Variants in ANKRD23 observed in about 807,000 individuals in gnomAD.
The protein encoded by ANKRD23 is ankyrin repeat domain-containing protein 23.
Under a neutral mutation model 38.1 loss-of-function variants are expected in ANKRD23, and 52 were observed. That is an observed-to-expected ratio of 1.36 (90% CI 1.09 to 1.72). The LOEUF (loss-of-function observed/expected upper bound fraction) is 1.72, where lower values mean the gene tolerates loss of function less well. ANKRD23 is among the 40% of genes most tolerant of loss of function. ANKRD23 has a pLI of 0.00. For synonymous variants in ANKRD23, 167 were observed against 162.9 expected (o/e 1.03, Z -0.19); for missense variants, 416 against 400.2 (o/e 1.04, Z -0.34).
rs2079736439 is a variant in ANKRD23 at position 96,839,737 on chromosome 2, A to C, written c.812T>G (p.Val271Gly). The change falls in exon 8 of 9, where the codon GTG becomes GGG. Residue 271 changes from valine to glycine, a missense_variant. Val to Gly is a moderately radical substitution (Grantham distance 109). Transcript: ENST00000318357. The part of the protein sequence containing the change: ...LLLLYGAELG[V>G]RNAASVTPVQ... Reference sequence around the variant, plus strand: ...TGCGCCCACACTCACCGCGTTCCGCACCCCCAGCTCGGCCCCATAGAGCAG... The same window carrying C: ...TGCGCCCACACTCACCGCGTTCCGCCCCCCCAGCTCGGCCCCATAGAGCAG... 1.2e-6 allele frequency: 2 copies of C among 1,613,002 alleles called. No individual in the cohort carries two copies. The highest frequency in any genetic ancestry group is 2.2e-5 in the South Asian group (2 of 91,020).
Position 96,840,837 on chromosome 2 carries a change from G to A in ANKRD23, c.376C>T (p.Leu126=). ...CCGTCTGTCAAGTACTTGTCAATCA[G>A]GTACTCCTGGTTCTCAGCAGCTGCC... ...LKAAAENQEY[L]IDKYLTDGGD... is the part of the protein sequence containing the mutation. The change falls in exon 4 of 9, where the codon CTG becomes TTG. Residue 126 remains leucine, a synonymous_variant. Coordinates refer to ENST00000318357, the MANE Select transcript of ANKRD23 (RefSeq NM_144994.8). 3.7e-6 allele frequency: 6 copies of A among 1,614,190 alleles called. No individual in the cohort carries two copies. Among genetic ancestry groups the A allele is most frequent in the Non-Finnish European group, 5.1e-6 (6 of 1,180,028 alleles).
At chr2:96,841,946 TC>T in intron 3 of ANKRD23, 113 bp downstream of exon 3, 1 of 1,473,684 alleles carries the variant, frequency 6.8e-7, no homozygotes, top group African/African-American at 1.4e-5. Flanking sequence ...TTTAATGGGC[TC>T]CCCAGGCACT....
chr2:96,840,699 C>T, intron 4 of ANKRD23, 88 bp downstream of exon 4: 2 of 1,574,582 alleles, frequency 1.3e-6, no homozygotes, highest in East Asian at 2.2e-5. Context: ...AAAATCCCTG[C>T]AGCCTCCTAG....
intron 6 of ANKRD23, 58 bp from the exon 7 acceptor site, chr2:96,840,153 G>A (rs1406605709): frequency 2.6e-6 from 4 of 1,554,838 alleles, no homozygotes; most frequent in Non-Finnish European, 3.5e-6. Flanking sequence ...CCTAACCCAT[G>A]GGACTACGTG....
rs754385371 is a variant in ANKRD23 at position 96,842,377 on chromosome 2, CTCT to C, written c.159_161del (p.Glu54del). ...GCCCCTCTCTCACTTTCTTCTTCTT[CTCT>C]TCTTCCAATTTCAGCTTCTCCCGGG... On this transcript the variant is annotated inframe_deletion, in exon 2 of 9. Transcript: ENST00000318357. 1.4e-5 allele frequency: 19 copies of C among 1,312,074 alleles called. No homozygotes were observed. In the East Asian group the frequency reaches 1.7e-4, roughly 12 times the overall value. 81.3% of individuals were successfully genotyped at this position (1,312,074 alleles called of 1,614,324 possible).
Position 96,840,533 on chromosome 2 carries a change from G to C in ANKRD23, c.427-19C>G. 6.2e-7 allele frequency: 1 copy of C among 1,612,678 alleles called. No homozygotes were observed. The highest frequency in any genetic ancestry group is 8.5e-7 in the Non-Finnish European group (1 of 1,179,448). On this transcript the variant is annotated intron_variant, in intron 4 of 8. Coordinates refer to ENST00000318357, the MANE Select transcript of ANKRD23 (RefSeq NM_144994.8). ...GGTGGAGCTGAGGGCAGAGATGGAA[G>C]ATTAGGCAGAGGGAGTGCAGCCACC...
chr2:96,839,000 A>C lies in ANKRD23; in HGVS notation c.*549T>G. ...TGCTACTGACAGGAATGGGGTCCCC[A>C]GAGAAAGCCATGCCCACAGGCATCC... is the stretch of plus-strand genomic sequence containing the variant. On this transcript the variant is annotated 3_prime_UTR_variant, in exon 9 of 9. Transcript: ENST00000318357. 2.0e-6 allele frequency: 2 copies of C among 985,888 alleles called. No homozygotes were observed. Among genetic ancestry groups the C allele is most frequent in the African/African-American group, 3.5e-5 (2 of 57,380 alleles). 61.1% of individuals were successfully genotyped at this position (985,888 alleles called of 1,614,324 possible). A position where few individuals can be genotyped will look rare whatever the true frequency, so the allele number is the denominator to read the frequency against.
At chr2:96,841,051 T>C in intron 3 of ANKRD23, 139 bp from the exon 4 acceptor site, 1 of 1,039,668 alleles carries the variant, frequency 9.6e-7, no homozygotes, top group Non-Finnish European at 1.4e-6. Context: ...CAGTTTCTTA[T>C]TCTAATCCCA....
At chr2:96,842,685 C>T (rs2079775225) in intron 1 of ANKRD23, among the ~76,000 whole-genome samples, 174 bp from the exon 2 acceptor site, 1 of 152,238 alleles carries the variant, frequency 6.6e-6, no homozygotes, top group South Asian at 2.1e-4. Context: ...GCTCCCTCAC[C>T]CTGTGGGTGC....
rs1329781174 is a variant in ANKRD23 at position 96,839,239 on chromosome 2, C to T, written c.*310G>A. 18 of 1,131,016 alleles carry T rather than the reference C, an allele frequency of 1.6e-5. No homozygotes were observed. The East Asian group carries it at 3.8e-4, about 24-fold the overall frequency. The allele number at this position is 1,131,016 out of a possible 1,614,324, so 70.1% of individuals were successfully genotyped here. A position where few individuals can be genotyped will look rare whatever the true frequency, so the allele number is the denominator to read the frequency against. On this transcript the variant is annotated 3_prime_UTR_variant, in exon 9 of 9. Coordinates refer to ENST00000318357, the MANE Select transcript of ANKRD23 (RefSeq NM_144994.8). Reference sequence around the variant, plus strand: ...AGCTTGGGACTGCTCCCTTAAGGCTCGTTCTTGGCCCTCACTCTCCTCCCC... The same window carrying T: ...AGCTTGGGACTGCTCCCTTAAGGCTTGTTCTTGGCCCTCACTCTCCTCCCC...
intron 7 of ANKRD23, 86 bp from the exon 8 acceptor site, chr2:96,839,911 A>G: frequency 6.5e-7 from 1 of 1,550,340 alleles, no homozygotes; most frequent in Admixed American, 2.0e-5. Flanking sequence ...CACCGAGCAG[A>G]CAGCACCTCT....
In ANKRD23 at chr2:96,843,031, G is replaced by A. The variant is rs1321128116; in HGVS notation, c.28-520C>T. On this transcript the variant is annotated intron_variant, in intron 1 of 8. Coordinates refer to ENST00000318357, the MANE Select transcript of ANKRD23 (RefSeq NM_144994.8). ...ACACTTAAGGCAATTGCCTAAAGGAGTTGTGAAGGTTATGAGTTATTGGGA... is the reference window on the plus strand; with the variant it reads ...ACACTTAAGGCAATTGCCTAAAGGAATTGTGAAGGTTATGAGTTATTGGGA... Among the ~76,000 whole-genome samples, 15 of 152,236 alleles carry A rather than the reference G, an allele frequency of 9.9e-5. No homozygotes were observed. In the East Asian group the frequency reaches 2.9e-3, roughly 29 times the overall value.
chr2:96,840,745 C>T (rs778276992), intron 4 of ANKRD23, 42 bp downstream of exon 4: 1 of 1,611,714 alleles, frequency 6.2e-7, no homozygotes, highest in Admixed American at 1.7e-5. Context: ...AGCGCTCCTG[C>T]AGCTGCAGCT....
chr2:96,840,382 G>A (rs1441014341), intron 5 of ANKRD23, 34 bp downstream of exon 5: 5 of 1,611,986 alleles, frequency 3.1e-6, no homozygotes, highest in Non-Finnish European at 4.2e-6. Flanking sequence ...GAAGCTGGGC[G>A]TCGACCAGAG....
Position 96,839,533 on chromosome 2 carries a change from G to A in ANKRD23, c.*16C>T, listed in dbSNP as rs547811122. The stretch of plus-strand genomic sequence containing the variant: ...TGGTGGCAGTGCGAAAGGCGCGGCG[G>A]GGGGCGGTGCTGCGGTCAGCACCGG... On this transcript the variant is annotated 3_prime_UTR_variant, in exon 9 of 9. Coordinates refer to ENST00000318357, the MANE Select transcript of ANKRD23 (RefSeq NM_144994.8). 6 of 1,430,280 alleles carry A rather than the reference G, an allele frequency of 4.2e-6. No homozygotes were observed. The highest frequency in any genetic ancestry group is 2.6e-4 in the Middle Eastern group (1 of 3,840). 88.6% of individuals were successfully genotyped at this position (1,430,280 alleles called of 1,614,324 possible).
In ANKRD23 at chr2:96,840,432, A is replaced by G; in HGVS notation, c.509T>C (p.Val170Ala). 6.2e-7 allele frequency: 1 copy of G among 1,614,016 alleles called. No homozygotes were observed. Among genetic ancestry groups the G allele is most frequent in the Non-Finnish European group, 8.5e-7 (1 of 1,180,010 alleles). ...VNKLLVAGAT[V>A]DARDLLDRTP... ...CATCCTCACCAAGTCTCGCGCGTCC[A>G]CTGTGGCACCTGCCACCAGCAGCTT... is the stretch of plus-strand genomic sequence containing the variant. The change falls in exon 5 of 9, where the codon GTG (valine) becomes GCG (alanine). Residue 170 changes from valine (V) to alanine (A), a missense_variant. By Grantham distance (64) the Val-to-Ala change is moderately conservative. Coordinates refer to ENST00000318357, the MANE Select transcript of ANKRD23 (RefSeq NM_144994.8).
chr2:96,842,447 G>C lies in ANKRD23; in HGVS notation c.92C>G (p.Ala31Gly). 2 of 1,614,048 alleles carry C rather than the reference G, an allele frequency of 1.2e-6. No individual in the cohort carries two copies. The highest frequency in any genetic ancestry group is 1.7e-6 in the Non-Finnish European group (2 of 1,180,034). ...GCCCCTCCTCCAGTCACTAGGCCAGGCTCCAGGGTCAGGAACTCCATGTCC... is the reference window on the plus strand; with the variant it reads ...GCCCCTCCTCCAGTCACTAGGCCAGCCTCCAGGGTCAGGAACTCCATGTCC... ...GFGHGVPDPGAWPSDWRRGPQ... is the reference protein window; with the variant it reads ...GFGHGVPDPGGWPSDWRRGPQ... Residue 31 changes from alanine to glycine, a missense_variant, in exon 2 of 9, where the codon GCC becomes GGC. Physicochemically the swap from Ala to Gly is moderately conservative, Grantham distance 60. Transcript: ENST00000318357.
rs932226027 is a variant in ANKRD23 at position 96,839,193 on chromosome 2, G to A, written c.*356C>T. ...GACAAGTGGACACTGAGGACTCCCAGACCCAGCCCTGGGTGGCTCCAGCTT... is the reference window on the plus strand; with the variant it reads ...GACAAGTGGACACTGAGGACTCCCAAACCCAGCCCTGGGTGGCTCCAGCTT... On this transcript the variant is annotated 3_prime_UTR_variant, in exon 9 of 9. Coordinates refer to ENST00000318357, the MANE Select transcript of ANKRD23 (RefSeq NM_144994.8). The A allele has an allele frequency of 9.5e-7, 1 of 1,048,682 alleles. No individual in the cohort carries two copies. The highest frequency in any genetic ancestry group is 5.4e-5 in the Admixed American group (1 of 18,590). The allele number at this position is 1,048,682 out of a possible 1,614,324, so 65.0% of individuals were successfully genotyped here.
At chr2:96,843,632 C>T (rs2079784160) in intron 1 of ANKRD23, among the ~76,000 whole-genome samples, 1 of 152,168 alleles carries the variant, frequency 6.6e-6, no homozygotes, top group Non-Finnish European at 1.5e-5. Flanking sequence ...CCCTCTCTTG[C>T]TCCCTAACCC....
Sources: allele counts gnomAD v4.1 joint callset (sites outside exome capture counted in the v4.1 genomes callset), GRCh38; gene constraint gnomAD v4.1.1; transcripts MANE v1.5; gene names NCBI Gene and HGNC (gene_info 2026-07-23, HGNC 2026-07-21).